The following RAB6A variants were observed in gnomAD, a reference collection of about 807,000 sequenced individuals.
The protein encoded by RAB6A is RAB6A, member RAS oncogene family, also known as ras-related protein Rab-6A.
A neutral mutation model predicts 32.3 loss-of-function variants in RAB6A; 8 were observed. That is an observed-to-expected ratio of 0.25 (90% confidence interval 0.15 to 0.45). RAB6A has a LOEUF of 0.45. Ranked by LOEUF, RAB6A falls within the 20% of genes least tolerant of loss-of-function variation. The pLI is 1.00. For synonymous variants in RAB6A, 73 were observed against 82.1 expected (o/e 0.89, Z 0.60); for missense variants, 104 against 249.4 (o/e 0.42, Z 3.93).
intron 1 of RAB6A, among the ~76,000 whole-genome samples, chr11:73,733,550 CA>C (rs773779816): frequency 8.4e-4 from 99 of 118,428 alleles, no homozygotes; most frequent in Admixed American, 1.5e-3. Context: ...GACACCATCT[CA>C]AAAAAAAAAA....
chr11:73,727,063 C>T (rs145770654), intron 2 of RAB6A, among the ~76,000 whole-genome samples: 196 of 152,208 alleles, frequency 1.3e-3, no homozygotes, highest in Non-Finnish European at 2.4e-3. Context: ...AAAAGAAGTG[C>T]TAAAGTATTC....
At chr11:73,707,606 T>TA in intron 5 of RAB6A, 93 bp from the exon 6 acceptor site, 1 of 887,444 alleles carries the variant, frequency 1.1e-6, no homozygotes, top group South Asian at 1.5e-5. Flanking sequence ...TTCCTTGATA[T>TA]AAGGACTGGT....
intron 6 of RAB6A, among the ~76,000 whole-genome samples, chr11:73,703,801 G>A (rs72974869): frequency 0.1 from 15,151 of 151,948 alleles, 856 homozygotes; most frequent in South Asian, 0.27. Context: ...TGGGCGCCGT[G>A]GCTCACGCCT....
At chr11:73,745,452 A>T (rs1447856737) in intron 1 of RAB6A, among the ~76,000 whole-genome samples, 2 of 152,204 alleles carry the variant, frequency 1.3e-5, no homozygotes, top group East Asian at 3.8e-4. Flanking sequence ...ACCTTAAGAA[A>T]TAGAGACACA....
chr11:73,724,882 G>C (rs1054734588), intron 2 of RAB6A, among the ~76,000 whole-genome samples: 6 of 152,168 alleles, frequency 3.9e-5, no homozygotes, highest in Non-Finnish European at 5.9e-5. Flanking sequence ...AGTTCCATGA[G>C]AGTAAGGTTG....
At chr11:73,678,539 T>C (rs1256951879) in intron 7 of RAB6A, among the ~76,000 whole-genome samples, 1 of 151,668 alleles carries the variant, frequency 6.6e-6, no homozygotes, top group Non-Finnish European at 1.5e-5. Flanking sequence ...ATCACTTGAA[T>C]TCAGGAGGCA....
At chr11:73,683,184 C>T (rs1945386976) in intron 6 of RAB6A, among the ~76,000 whole-genome samples, 1 of 151,386 alleles carries the variant, frequency 6.6e-6, no homozygotes, top group South Asian at 2.1e-4. Context: ...ACGTTAACAG[C>T]ATTTTGCAGA....
intron 6 of RAB6A, among the ~76,000 whole-genome samples, chr11:73,685,502 T>C (rs1163986564): frequency 2.7e-5 from 4 of 150,336 alleles, no homozygotes; most frequent in Non-Finnish European, 5.9e-5. Context: ...ATAGCCAGGA[T>C]GGTCTCGATC....
intron 6 of RAB6A, among the ~76,000 whole-genome samples, chr11:73,684,449 A>G (rs1945409279): frequency 6.6e-6 from 1 of 152,200 alleles, no homozygotes; most frequent in Admixed American, 6.5e-5. Flanking sequence ...GATTACAGGC[A>G]TGAGCCACCA....
chr11:73,681,161 T>C (rs1013850804), intron 6 of RAB6A, among the ~76,000 whole-genome samples: 17 of 152,220 alleles, frequency 1.1e-4, no homozygotes, highest in Admixed American at 1.1e-3. Context: ...TTCTGTGTCT[T>C]TGAGACACAG....
intron 1 of RAB6A, among the ~76,000 whole-genome samples, chr11:73,747,954 T>C (rs1474736041): frequency 2.0e-5 from 3 of 152,234 alleles, no homozygotes; most frequent in Non-Finnish European, 4.4e-5. Context: ...TGGTTATTGG[T>C]GGTGTCTACA....
Position 73,760,016 on chromosome 11 carries a change from A to G in RAB6A, c.70+550T>C, listed in dbSNP as rs1443183394. On this transcript the variant is annotated intron_variant, in intron 1 of 7. Coordinates refer to ENST00000336083, the MANE Select transcript of RAB6A (RefSeq NM_198896.2). ...CTAATTTCCCACCCAGGTGAAAATC[A>G]TTTAATTTTTTCTACTACCACCCCT... 4.7e-6 allele frequency: 6 copies of G among 1,288,044 alleles called. No homozygotes were observed. In the Admixed American group the frequency reaches 1.1e-4, roughly 25 times the overall value. The allele number at this position is 1,288,044 out of a possible 1,614,324, so 79.8% of individuals were successfully genotyped here. A position where few individuals can be genotyped will look rare whatever the true frequency, so the allele number is the denominator to read the frequency against.
chr11:73,729,198 A>C (rs1160068089), intron 2 of RAB6A, among the ~76,000 whole-genome samples: 1 of 152,172 alleles, frequency 6.6e-6, no homozygotes, highest in Admixed American at 6.5e-5. Flanking sequence ...TCCTGGGTTC[A>C]AGCGATTCTC....
intron 1 of RAB6A, among the ~76,000 whole-genome samples, chr11:73,746,317 A>G (rs1590888246): frequency 6.6e-6 from 1 of 152,138 alleles, no homozygotes; most frequent in East Asian, 1.9e-4. Context: ...TTCTATGTAT[A>G]CTACATATCA....
At chr11:73,707,125 G>GAAAAAAAAAAAAAAAAAAAAAAAA (rs397744539) in intron 6 of RAB6A, among the ~76,000 whole-genome samples, 1 of 116,256 alleles carries the variant, frequency 8.6e-6, no homozygotes, top group African/African-American at 3.5e-5. Flanking sequence ...TCTCAAAAAA[G>GAAAAAAAAAAAAAAAAAAAAAAAA]AAAAAAAAAA....
At chr11:73,721,734 T>C (rs1007360629) in intron 2 of RAB6A, among the ~76,000 whole-genome samples, 2 of 152,168 alleles carry the variant, frequency 1.3e-5, no homozygotes, top group South Asian at 4.1e-4. Context: ...ATACTATGTA[T>C]ATATGTGCGT....
intron 1 of RAB6A, among the ~76,000 whole-genome samples, chr11:73,734,274 C>T (rs1384932523): frequency 3.9e-5 from 6 of 151,982 alleles, no homozygotes; most frequent in East Asian, 1.9e-4. Context: ...TACAGGCGCC[C>T]GCCACCACGC....
At chr11:73,719,449 C>T (rs915913534) in intron 3 of RAB6A, among the ~76,000 whole-genome samples, 3 of 152,136 alleles carry the variant, frequency 2.0e-5, no homozygotes, top group Admixed American at 1.3e-4. Flanking sequence ...TGTGCGCGCA[C>T]GCATGCACGC....
intron 6 of RAB6A, among the ~76,000 whole-genome samples, chr11:73,694,832 G>A (rs936220992): frequency 2.6e-5 from 4 of 152,106 alleles, no homozygotes; most frequent in Non-Finnish European, 4.4e-5. Flanking sequence ...TGGCCAACAC[G>A]GCAAAACTCT....
Sources: allele counts gnomAD v4.1 joint callset (sites outside exome capture counted in the v4.1 genomes callset), GRCh38; gene constraint gnomAD v4.1.1; transcripts MANE v1.5; gene names NCBI Gene and HGNC (gene_info 2026-07-23, HGNC 2026-07-21).